Variants in AK5 observed in about 807,000 individuals in gnomAD.
AK5 encodes the protein adenylate kinase 5.
In AK5, 27 loss-of-function variants were observed where a neutral mutation model predicts 69.5. The ratio of observed to expected loss-of-function variants is 0.39; its 90% CI spans 0.29 to 0.54. The LOEUF (loss-of-function observed/expected upper bound fraction) is 0.54. Ranked by LOEUF, AK5 falls within the 20% of genes least tolerant of loss-of-function variation. The pLI is 0.71. For synonymous variants in AK5, 260 were observed against 244.4 expected, an observed-to-expected ratio of 1.06 and a Z score of -0.60; for missense variants, 531 against 700.4, an observed-to-expected ratio of 0.76 and a Z score of 2.73.
At chr1:77,534,454 C>T (rs1658843092) in intron 12 of AK5, among the ~76,000 whole-genome samples, 1 of 152,268 alleles carries the variant, frequency 6.6e-6, no homozygotes, top group East Asian at 1.9e-4. Flanking sequence ...TCCCTGCACA[C>T]GGGGAACCTA....
chr1:77,475,418 C>CATA lies in AK5; in HGVS notation c.1060-7899_1060-7898insATA, dbSNP rs5775405. 3.2e-3 allele frequency among the ~76,000 whole-genome samples: 263 copies of CATA among 82,002 alleles called. 12 individuals are homozygous for CATA. Among genetic ancestry groups the CATA allele is most frequent in the African/African-American group, 0.013 (250 of 19,672 alleles). 53.8% of individuals were successfully genotyped at this position (82,002 alleles called of 152,430 possible). A position where few individuals can be genotyped will look rare whatever the true frequency, so the allele number is the denominator to read the frequency against. ...TATATAATATATATGTATATATATA[C>CATA]TATATATTATATATATGTATATATA... On this transcript the variant is annotated intron_variant, in intron 8 of 13. Transcript: ENST00000354567.
At chr1:77,505,775 A>G (rs973037167) in intron 10 of AK5, among the ~76,000 whole-genome samples, 1 of 152,060 alleles carries the variant, frequency 6.6e-6, no homozygotes, top group South Asian at 2.1e-4. Context: ...GCATACCTGT[A>G]ATCTCAGCTA....
chr1:77,324,758 G>A (rs1660710472), intron 5 of AK5, among the ~76,000 whole-genome samples: 2 of 151,948 alleles, frequency 1.3e-5, no homozygotes, highest in South Asian at 4.1e-4. Flanking sequence ...AGGGGCATGA[G>A]GCGAGATGGG....
intron 6 of AK5, among the ~76,000 whole-genome samples, chr1:77,376,433 C>CAAAAAAAAAAAAAAAAAAAA (rs757594684): frequency 2.2e-4 from 3 of 13,436 alleles, no homozygotes; most frequent in Admixed American, 1.2e-3. Flanking sequence ...CACTCAATGC[C>CAAAAAAAAAAAAAAAAAAAA]AAAAAAAAAA....
chr1:77,479,336 C>T (rs567624840), intron 8 of AK5, among the ~76,000 whole-genome samples: 33 of 151,258 alleles, frequency 2.2e-4, no homozygotes, highest in African/African-American at 8.0e-4. Flanking sequence ...TTCCTGAGTA[C>T]CTAGGATTAC....
intron 8 of AK5, among the ~76,000 whole-genome samples, chr1:77,470,963 C>T (rs1299663678): frequency 6.9e-6 from 1 of 145,036 alleles, no homozygotes; most frequent in Non-Finnish European, 1.5e-5. Context: ...TCACTGCAAC[C>T]TCTGCCTCCT....
At chr1:77,531,761 C>T (rs1286950555) in intron 12 of AK5, among the ~76,000 whole-genome samples, 1 of 152,034 alleles carries the variant, frequency 6.6e-6, no homozygotes, top group Non-Finnish European at 1.5e-5. Context: ...CGCCCTGCGC[C>T]CGCACTCCTC....
At chr1:77,342,771 A>C (rs1410253377) in intron 6 of AK5, among the ~76,000 whole-genome samples, 1 of 152,160 alleles carries the variant, frequency 6.6e-6, no homozygotes, top group Non-Finnish European at 1.5e-5. Flanking sequence ...AAGCATGTTA[A>C]GATTTTAATA....
At chr1:77,505,127 C>T (rs61778708) in intron 10 of AK5, among the ~76,000 whole-genome samples, 4,649 of 152,226 alleles carry the variant, frequency 0.031, 66 homozygotes, top group Middle Eastern at 0.078. Context: ...TTCCAGTTTC[C>T]GTGATGTGGT....
intron 6 of AK5, among the ~76,000 whole-genome samples, chr1:77,363,499 A>G (rs557788422): frequency 2.0e-5 from 3 of 152,298 alleles, no homozygotes; most frequent in African/African-American, 7.2e-5. Context: ...TTCCTATTTG[A>G]ACCCTTCAAT....
chr1:77,554,224 A>C (rs563625010), intron 13 of AK5, among the ~76,000 whole-genome samples: 1 of 152,086 alleles, frequency 6.6e-6, no homozygotes, highest in African/African-American at 2.4e-5. Flanking sequence ...TCACTGAAAA[A>C]TCTATGTGCT....
intron 13 of AK5, among the ~76,000 whole-genome samples, chr1:77,549,616 G>A (rs774346032): frequency 6.6e-6 from 1 of 151,718 alleles, no homozygotes; most frequent in Non-Finnish European, 1.5e-5. Context: ...CCCAGACACT[G>A]GTAACTATCA....
chr1:77,473,424 C>T (rs1052851000), intron 8 of AK5, among the ~76,000 whole-genome samples: 18 of 151,866 alleles, frequency 1.2e-4, no homozygotes, highest in Admixed American at 4.6e-4. Context: ...ACCTCCTACA[C>T]GGTCTAAGAA....
chr1:77,283,398 A>T, intron 1 of AK5: 3 of 985,386 alleles, frequency 3.0e-6, no homozygotes, highest in Non-Finnish European at 3.6e-6. Context: ...GAAAACGGAT[A>T]GACTGATATC....
intron 6 of AK5, among the ~76,000 whole-genome samples, chr1:77,370,841 A>G (rs1647108564): frequency 6.6e-6 from 1 of 152,188 alleles, no homozygotes; most frequent in African/African-American, 2.4e-5. Flanking sequence ...CCAGCTGCAC[A>G]TAGCTTCCAG....
intron 8 of AK5, among the ~76,000 whole-genome samples, chr1:77,473,693 G>A (rs1459426116): frequency 2.0e-5 from 3 of 152,052 alleles, no homozygotes; most frequent in African/African-American, 7.2e-5. Flanking sequence ...TCTTTACTTA[G>A]CATGTCTCTG....
At chr1:77,401,424 A>G in intron 6 of AK5, among the ~76,000 whole-genome samples, 1 of 152,216 alleles carries the variant, frequency 6.6e-6, no homozygotes, top group Admixed American at 6.5e-5. Flanking sequence ...TCAAGGGAGA[A>G]GTAAAAATTT....
chr1:77,433,238 A>G (rs1041117044), intron 8 of AK5, among the ~76,000 whole-genome samples: 6 of 149,360 alleles, frequency 4.0e-5, no homozygotes, highest in Middle Eastern at 3.2e-3. Context: ...GCACAGCCTA[A>G]TAATAGGTGT....
At chr1:77,517,081 AAAG>A (rs1260506788) in intron 10 of AK5, among the ~76,000 whole-genome samples, 3 of 151,606 alleles carry the variant, frequency 2.0e-5, no homozygotes, top group Non-Finnish European at 4.4e-5. Flanking sequence ...AAAAAAAAAA[AAAG>A]AAGAAGAAGA....
Sources: gnomAD v4.1 joint callset for allele counts (sites outside exome capture counted in the v4.1 genomes callset) on GRCh38, gnomAD v4.1.1 for gene constraint, MANE v1.5 for transcripts, NCBI Gene and HGNC (gene_info 2026-07-23, HGNC 2026-07-21) for gene names.